The following NR2C2 variants were observed in gnomAD, a reference collection of about 807,000 sequenced individuals.
The protein encoded by NR2C2 is nuclear receptor subfamily 2 group C member 2, also known as Nuclear hormone receptor TR4.
Under a neutral mutation model 62.9 loss-of-function variants are expected in NR2C2, and 6 were observed. The ratio of observed to expected loss-of-function variants is 0.10; its 90% CI spans 0.05 to 0.19. NR2C2 has a LOEUF of 0.19. Ranked by LOEUF, NR2C2 falls within the 10% of genes least tolerant of loss-of-function variation. The probability of loss-of-function intolerance (pLI) is 1.00; values close to 1 mark genes in which losing one functional copy is unlikely to be tolerated. For missense variants in NR2C2, 479 were observed against 762.7 expected, an observed-to-expected ratio of 0.63 and a Z score of 4.38; for synonymous variants, 272 against 273.8, an observed-to-expected ratio of 0.99 and a Z score of 0.07.
rs186133121 is a variant in NR2C2, at chr3:15,029,947, A to G, written c.933-328A>G. On this transcript the variant is annotated intron_variant, in intron 8 of 13. Coordinates refer to ENST00000425241, the MANE Select transcript of NR2C2 (RefSeq NM_001291694.2). ...GAGAGAAAAGGAAGGAAAAGAGAGA[A>G]AGAAAAGAAAAGAAAGAAATTGTCC... is the stretch of plus-strand genomic sequence containing the variant. 8.6e-3 allele frequency among the ~76,000 whole-genome samples: 1,298 copies of G among 151,286 alleles called. 21 individuals are homozygous for G. Among genetic ancestry groups the G allele is most frequent in the African/African-American group, 0.03 (1,240 of 41,464 alleles).
At chr3:15,032,872 G>GT (rs2042014721) in intron 10 of NR2C2, among the ~76,000 whole-genome samples, 1 of 152,104 alleles carries the variant, frequency 6.6e-6, no homozygotes, top group Admixed American at 6.5e-5. Flanking sequence ...TGAATCAGCT[G>GT]TTTCCTCAAA....
At chr3:14,976,945 G>T (rs1398624878) in intron 1 of NR2C2, among the ~76,000 whole-genome samples, 1 of 152,034 alleles carries the variant, frequency 6.6e-6, no homozygotes, top group African/African-American at 2.4e-5. Flanking sequence ...ATACAGTCAT[G>T]TCCTGTAGTA....
chr3:15,003,552 G>C (rs2041082769), intron 1 of NR2C2, among the ~76,000 whole-genome samples: 1 of 152,106 alleles, frequency 6.6e-6, no homozygotes, highest in African/African-American at 2.4e-5. Context: ...TTGGAGACAG[G>C]GATAACATTC....
Position 15,030,288 on chromosome 3 carries a change from T to G in NR2C2, c.946T>G (p.Leu316Val). 1.2e-6 allele frequency: 2 copies of G among 1,610,868 alleles called. No individual in the cohort carries two copies. The highest frequency in any genetic ancestry group is 1.7e-6 in the Non-Finnish European group (2 of 1,179,074). ...ASEITRAFDTLAKALNTTDSS... is the reference protein window; with the variant it reads ...ASEITRAFDTVAKALNTTDSS... ...TTTTGCTCACAGGGCATTTGATACC[T>G]TAGCTAAAGCACTTAATACCACAGA... Residue 316 changes from leucine (L) to valine (V), a missense_variant, in exon 9 of 14, where the codon TTA (leucine) becomes GTA (valine). Physicochemically the swap from Leu to Val is conservative, Grantham distance 32 (BLOSUM62 1). This residue lies in a region of NR2C2 where 151 missense variants were observed against 176.1 expected (regional missense o/e 0.86). Transcript: ENST00000425241.
intron 9 of NR2C2, 24 bp downstream of exon 9, chr3:15,030,476 G>T (rs1249573904): frequency 1.9e-6 from 3 of 1,548,214 alleles, no homozygotes; most frequent in Non-Finnish European, 2.6e-6. Flanking sequence ...GCCTAACCAT[G>T]TGCCCCCAAC....
chr3:15,002,645 CTTTTT>C (rs371981775), intron 1 of NR2C2, among the ~76,000 whole-genome samples: 168 of 39,460 alleles, frequency 4.3e-3, no homozygotes, highest in African/African-American at 0.014. Context: ...TCACAATATA[CTTTTT>C]TTTTTTTTTT....
intron 1 of NR2C2, among the ~76,000 whole-genome samples, chr3:14,963,070 G>A (rs1212670847): frequency 6.6e-6 from 1 of 152,204 alleles, no homozygotes; most frequent in African/African-American, 2.4e-5. Context: ...TCAGACCCAA[G>A]TAAGTGGGGT....
intron 1 of NR2C2, among the ~76,000 whole-genome samples, chr3:14,949,833 C>G (rs111460460): frequency 6.6e-6 from 1 of 152,162 alleles, no homozygotes; most frequent in African/African-American, 2.4e-5. Flanking sequence ...ATATAATTCT[C>G]TGTGTGTGAG....
At chr3:14,972,261 G>A (rs571579662) in intron 1 of NR2C2, among the ~76,000 whole-genome samples, 51 of 142,056 alleles carry the variant, frequency 3.6e-4, no homozygotes, top group East Asian at 1.3e-3. Context: ...TGTAACCTCC[G>A]CCTCCTGGGT....
At position 14,948,682 on chromosome 3, in the gene NR2C2, C is replaced by T. The variant is rs1439839421; in HGVS notation, c.-40+776C>T. 2.0e-5 allele frequency: 3 copies of T among 152,738 alleles called. No individual in the cohort carries two copies. In the East Asian group the frequency reaches 5.8e-4, roughly 29 times the overall value. The allele number at this position is 152,738 out of a possible 1,614,324, so 9.5% of individuals were successfully genotyped here. ...TCAGCAGGTGGGCTGCTTCCCTCCG[C>T]CTGGAACGCGTCTCGAATGAGTACT... is the stretch of plus-strand genomic sequence containing the variant. On this transcript the variant is annotated intron_variant, in intron 1 of 13. Transcript: ENST00000425241.
intron 1 of NR2C2, among the ~76,000 whole-genome samples, chr3:14,991,133 TA>T (rs2040659157): frequency 6.6e-6 from 1 of 152,240 alleles, no homozygotes; most frequent in African/African-American, 2.4e-5. Context: ...TTGCCAACTG[TA>T]AAATTCAAAA....
At chr3:14,951,998 G>A (rs375746325) in intron 1 of NR2C2, among the ~76,000 whole-genome samples, 2 of 152,240 alleles carry the variant, frequency 1.3e-5, no homozygotes, top group East Asian at 1.9e-4. Flanking sequence ...CGCCTGCCTC[G>A]GCCTCCCAAA....
At chr3:15,019,288 G>A (rs767741604) in intron 4 of NR2C2, among the ~76,000 whole-genome samples, 11 of 152,004 alleles carry the variant, frequency 7.2e-5, no homozygotes, top group Non-Finnish European at 1.6e-4. Flanking sequence ...GGGAGGATGT[G>A]GAGAAAAGGG....
At chr3:15,037,209 T>TTTTGTGTGTGTGTGTG (rs776536753) in intron 11 of NR2C2, among the ~76,000 whole-genome samples, 3 of 130,240 alleles carry the variant, frequency 2.3e-5, no homozygotes, top group East Asian at 2.0e-4. Flanking sequence ...TGTTTTTTGT[T>TTTTGTGTGTGTGTGTG]TGTGTGTGTG....
chr3:14,990,940 A>G (rs2040653048), intron 1 of NR2C2, among the ~76,000 whole-genome samples: 1 of 152,202 alleles, frequency 6.6e-6, no homozygotes. Context: ...GGCTAAATTC[A>G]GGTGGGGCAA....
chr3:15,038,567 T>G, intron 12 of NR2C2: 1 of 165,342 alleles, frequency 6.0e-6, no homozygotes, highest in Non-Finnish European at 1.3e-5. Flanking sequence ...TGCTAAAAGG[T>G]ATGTTCGCAG....
At chr3:14,971,984 GT>G in intron 1 of NR2C2, among the ~76,000 whole-genome samples, 1 of 150,664 alleles carries the variant, frequency 6.6e-6, no homozygotes, top group Non-Finnish European at 1.5e-5. Context: ...GATTTTTGTA[GT>G]TTTAGTAGAG....
At chr3:15,004,211 A>G (rs1180506661) in intron 2 of NR2C2, among the ~76,000 whole-genome samples, 5 of 152,224 alleles carry the variant, frequency 3.3e-5, no homozygotes, top group Non-Finnish European at 7.3e-5. Context: ...GAGATAAAGT[A>G]CCATTTTATT....
intron 1 of NR2C2, among the ~76,000 whole-genome samples, chr3:14,951,700 C>G (rs1393623396): frequency 3.3e-5 from 5 of 151,964 alleles, no homozygotes; most frequent in African/African-American, 7.3e-5. Flanking sequence ...TAGAAAATCC[C>G]TGTGCGTAAC....
Sources: allele counts gnomAD v4.1 joint callset (sites outside exome capture counted in the v4.1 genomes callset), GRCh38; gene constraint gnomAD v4.1.1; regional missense constraint gnomAD v4.1.1; transcripts MANE v1.5; gene names NCBI Gene and HGNC (gene_info 2026-07-23, HGNC 2026-07-21).